NELL1: variants seen among roughly 807,000 people sequenced by gnomAD.
NELL1 encodes the protein neural EGFL like 1, also known as protein kinase C-binding protein NELL1.
In NELL1, 76 loss-of-function variants were observed where a neutral mutation model predicts 107.4. The observed-to-expected ratio is 0.71, with a 90% CI of 0.59 to 0.86. The LOEUF (loss-of-function observed/expected upper bound fraction) is 0.86, where lower values mean the gene tolerates loss of function less well. NELL1 is among the 40% of genes least tolerant of loss of function. The pLI is 0.00. For synonymous variants in NELL1, 353 were observed against 341.2 expected (o/e 1.03, Z -0.38); for missense variants, 1,024 against 1,005.5 (o/e 1.02, Z -0.25).
intron 1 of NELL1, 116 bp from the exon 2 acceptor site, chr11:20,677,816 C>G (rs1213285575): frequency 1.7e-6 from 2 of 1,198,032 alleles, no homozygotes; most frequent in Admixed American, 3.6e-5. Flanking sequence ...GACAAAGACT[C>G]TCCAAGCACT....
chr11:21,411,247 A>G (rs1852370011), intron 15 of NELL1, among the ~76,000 whole-genome samples: 1 of 152,034 alleles, frequency 6.6e-6, no homozygotes, highest in Admixed American at 6.6e-5. Context: ...AAGTGTTGGA[A>G]TCCTGCCATA....
intron 5 of NELL1, among the ~76,000 whole-genome samples, chr11:20,895,271 C>CAAAGAAA: frequency 9.5e-5 from 1 of 10,488 alleles, no homozygotes; most frequent in African/African-American, 2.8e-4. Context: ...GACTCCGTCT[C>CAAAGAAA]AAAAAAAAAA....
Position 20,928,429 on chromosome 11 carries a change from C to T in NELL1, c.947C>T (p.Pro316Leu). 1 of 1,614,086 alleles carries T rather than the reference C, an allele frequency of 6.2e-7. No individual in the cohort carries two copies. Among genetic ancestry groups the T allele is most frequent in the Non-Finnish European group, 8.5e-7 (1 of 1,179,980 alleles). The change falls in exon 9 of 20, where the codon CCA (proline) becomes CTA (leucine). Residue 316 changes from proline (P) to leucine (L), a missense_variant. Physicochemically the swap from Pro to Leu is moderately conservative, Grantham distance 98 (BLOSUM62 -3). Coordinates refer to ENST00000357134, the MANE Select transcript of NELL1 (RefSeq NM_006157.5). ...RMSCPPLNCSPDSLPVHIAGQ... is the reference protein window; with the variant it reads ...RMSCPPLNCSLDSLPVHIAGQ... ...TCCTGTCCCCCTCTCAATTGCTCCC[C>T]AGACTCCCTCCCAGTGCACATTGCT... is the stretch of plus-strand genomic sequence containing the variant.
chr11:21,518,733 A>G (rs1368733749), intron 15 of NELL1, among the ~76,000 whole-genome samples: 2 of 152,194 alleles, frequency 1.3e-5, no homozygotes, highest in South Asian at 2.1e-4. Context: ...GTAGCCTCAT[A>G]AAGTTTTGTA....
chr11:20,675,454 A>T (rs1431486487), intron 1 of NELL1, among the ~76,000 whole-genome samples: 1 of 152,002 alleles, frequency 6.6e-6, no homozygotes, highest in Non-Finnish European at 1.5e-5. Flanking sequence ...TCATGCATCA[A>T]CTCATTAGAT....
chr11:20,782,640 A>G (rs999395502), intron 2 of NELL1, among the ~76,000 whole-genome samples: 11 of 152,168 alleles, frequency 7.2e-5, no homozygotes, highest in Admixed American at 3.3e-4. Flanking sequence ...TTGAAGTTCT[A>G]TGTTTTTCAA....
chr11:20,940,503 C>T (rs889051292), intron 10 of NELL1, among the ~76,000 whole-genome samples: 1 of 152,092 alleles, frequency 6.6e-6, no homozygotes, highest in Non-Finnish European at 1.5e-5. Context: ...CCTGCCTCGG[C>T]CTCCCAAAGT....
At chr11:20,865,667 G>T (rs1223901441) in intron 4 of NELL1, among the ~76,000 whole-genome samples, 1 of 152,102 alleles carries the variant, frequency 6.6e-6, no homozygotes. Flanking sequence ...TGTGACCTTT[G>T]ACTGAAAGCC....
chr11:20,936,693 G>T (rs1391592954), intron 9 of NELL1, among the ~76,000 whole-genome samples: 3 of 152,150 alleles, frequency 2.0e-5, no homozygotes, highest in African/African-American at 7.2e-5. Flanking sequence ...GAAAGCTTTG[G>T]TTCTTGCAAC....
intron 2 of NELL1, among the ~76,000 whole-genome samples, chr11:20,752,963 C>T (rs1023772124): frequency 9.9e-5 from 15 of 152,264 alleles, no homozygotes; most frequent in Admixed American, 7.2e-4. Flanking sequence ...ATAACATTAA[C>T]AGATGACACA....
intron 9 of NELL1, among the ~76,000 whole-genome samples, chr11:20,936,323 G>C (rs995941507): frequency 6.6e-6 from 1 of 152,152 alleles, no homozygotes; most frequent in African/African-American, 2.4e-5. Flanking sequence ...GGGGAGAGCC[G>C]TTAGTTGCCA....
At chr11:21,341,774 A>T (rs902334932) in intron 14 of NELL1, among the ~76,000 whole-genome samples, 3 of 152,240 alleles carry the variant, frequency 2.0e-5, no homozygotes, top group African/African-American at 7.2e-5. Flanking sequence ...TCAAAGAAAG[A>T]GCAAGAAAAC....
At position 21,374,455 on chromosome 11, in the gene NELL1, G is replaced by A. The variant is rs80329952; in HGVS notation, c.1645+3507G>A. Among the ~76,000 whole-genome samples, 738 of 151,948 alleles carry A rather than the reference G, an allele frequency of 4.9e-3. 9 individuals are homozygous for A. The highest frequency in any genetic ancestry group is 0.017 in the African/African-American group (696 of 41,476). On this transcript the variant is annotated intron_variant, in intron 15 of 19. Transcript: ENST00000357134. Reference sequence around the variant, plus strand: ...TAACATGGCCACTGGAATCCTGCACGTCAAGTGATGAGAAAGAGAGTGAAA... The same window carrying A: ...TAACATGGCCACTGGAATCCTGCACATCAAGTGATGAGAAAGAGAGTGAAA...
chr11:20,786,582 C>T (rs893828584), intron 3 of NELL1, among the ~76,000 whole-genome samples: 7 of 151,940 alleles, frequency 4.6e-5, no homozygotes, highest in South Asian at 2.1e-4. Context: ...TTACTGGGGG[C>T]AAATCCATAT....
intron 5 of NELL1, among the ~76,000 whole-genome samples, chr11:20,899,430 AACTC>A (rs1323755260): frequency 9.2e-5 from 14 of 152,216 alleles, no homozygotes; most frequent in African/African-American, 3.1e-4. Context: ...GTTAATAACT[AACTC>A]AGAAAGATAA....
intron 14 of NELL1, among the ~76,000 whole-genome samples, chr11:21,271,378 A>T (rs1261832866): frequency 6.6e-6 from 1 of 152,192 alleles, no homozygotes; most frequent in Non-Finnish European, 1.5e-5. Context: ...CCAAAATTTG[A>T]TAACCTATGT....
intron 12 of NELL1, among the ~76,000 whole-genome samples, chr11:21,025,520 A>C (rs1338584796): frequency 6.6e-6 from 1 of 151,708 alleles, no homozygotes; most frequent in African/African-American, 2.4e-5. Context: ...TTTAATGTAT[A>C]GGAAGTTTAC....
At chr11:21,096,281 G>A (rs1337081186) in intron 12 of NELL1, among the ~76,000 whole-genome samples, 1 of 152,042 alleles carries the variant, frequency 6.6e-6, no homozygotes, top group Non-Finnish European at 1.5e-5. Context: ...AAACCTTATT[G>A]CATTGTAAAA....
At chr11:20,927,547 T>C in intron 8 of NELL1, 105 bp downstream of exon 8, 1 of 1,158,312 alleles carries the variant, frequency 8.6e-7, no homozygotes, top group Non-Finnish European at 1.2e-6. Context: ...ACTCTGAGAA[T>C]TGTTAGGTTT....
Sources: allele counts gnomAD v4.1 joint callset (sites outside exome capture counted in the v4.1 genomes callset), GRCh38; gene constraint gnomAD v4.1.1; transcripts MANE v1.5; gene names NCBI Gene and HGNC (gene_info 2026-07-23, HGNC 2026-07-21).